Variants in FER1L6 observed in about 807,000 individuals in gnomAD.
FER1L6 encodes the protein fer-1 like family member 6, also known as fer-1-like protein 6.
A neutral mutation model predicts 219.2 loss-of-function variants in FER1L6; 177 were observed. That is an observed-to-expected ratio of 0.81 (90% CI 0.71 to 0.91). The LOEUF (loss-of-function observed/expected upper bound fraction) is 0.91, where lower values mean the gene tolerates loss of function less well. Ranked by LOEUF, FER1L6 falls within the 40% of genes least tolerant of loss-of-function variation. FER1L6 has a pLI of 0.00. For missense variants in FER1L6, 2,153 were observed against 2,259.9 expected, an observed-to-expected ratio of 0.95 and a Z score of 0.96; for synonymous variants, 768 against 824.3, an observed-to-expected ratio of 0.93 and a Z score of 1.17.
intron 33 of FER1L6, among the ~76,000 whole-genome samples, chr8:124,086,620 A>G (rs1821795924): frequency 6.6e-6 from 1 of 152,178 alleles, no homozygotes; most frequent in African/African-American, 2.4e-5. Flanking sequence ...GATATGAATA[A>G]CTAATATACC....
At chr8:124,057,696 T>C (rs1008388256) in intron 22 of FER1L6, among the ~76,000 whole-genome samples, 1 of 152,192 alleles carries the variant, frequency 6.6e-6, no homozygotes, top group Non-Finnish European at 1.5e-5. Flanking sequence ...TTTTATGCAT[T>C]GTCTATCATT....
chr8:123,999,942 A>G (rs1817328921), intron 12 of FER1L6, among the ~76,000 whole-genome samples: 1 of 152,198 alleles, frequency 6.6e-6, no homozygotes, highest in African/African-American at 2.4e-5. Flanking sequence ...TGAGCCCAGC[A>G]TAGCACCAGG....
intron 12 of FER1L6, among the ~76,000 whole-genome samples, chr8:123,992,354 T>G (rs1207380797): frequency 6.6e-6 from 1 of 152,198 alleles, no homozygotes; most frequent in Non-Finnish European, 1.5e-5. Flanking sequence ...GTTGGCAATT[T>G]TTTTTACATT....
At chr8:123,991,396 G>C (rs1816846653) in intron 12 of FER1L6, among the ~76,000 whole-genome samples, 1 of 151,448 alleles carries the variant, frequency 6.6e-6, no homozygotes, top group Non-Finnish European at 1.5e-5. Flanking sequence ...GTGTTTTGTA[G>C]TTCTCCTTGC....
rs1329215210 is a variant in FER1L6, at chr8:123,853,702, C to T, written c.-8+1517C>T. ...ATCCAAGTTGCACGTATGCAGGTGA[C>T]ATGCTCATGGCTATGATGAAGACCT... On this transcript the variant is annotated intron_variant, in intron 1 of 40. Coordinates refer to ENST00000522917, the MANE Select transcript of FER1L6 (RefSeq NM_001039112.2). The surrounding 1 kb of genome is among the most constrained non-coding windows in gnomAD (Gnocchi z 6.6). Among the ~76,000 whole-genome samples the T allele has an allele frequency of 6.6e-6, 1 of 152,196 alleles. No individual in the cohort carries two copies. The highest frequency in any genetic ancestry group is 2.4e-5 in the African/African-American group (1 of 41,454).
intron 1 of FER1L6, among the ~76,000 whole-genome samples, chr8:123,871,463 C>T (rs891588679): frequency 6.6e-6 from 1 of 152,084 alleles, no homozygotes; most frequent in Admixed American, 6.6e-5. Context: ...ACCCCCTGCC[C>T]ACTCCCCTCC....
intron 1 of FER1L6, among the ~76,000 whole-genome samples, chr8:123,915,034 T>A (rs1366791455): frequency 8.2e-6 from 1 of 122,092 alleles, no homozygotes; most frequent in East Asian, 2.6e-4. Flanking sequence ...AGGTATTACA[T>A]GCTTTTTTTT....
chr8:124,082,519 C>T (rs1223975936), intron 33 of FER1L6, 61 bp downstream of exon 33: 16 of 1,467,108 alleles, frequency 1.1e-5, no homozygotes, highest in Non-Finnish European at 1.4e-5. Flanking sequence ...CTTTAGGGCT[C>T]CAGACTCTGC....
intron 1 of FER1L6, among the ~76,000 whole-genome samples, chr8:123,915,375 G>T (rs1269630882): frequency 1.3e-5 from 2 of 152,014 alleles, no homozygotes; most frequent in Admixed American, 6.6e-5. Context: ...AGGATAAAAA[G>T]GGTCTGGACA....
At position 123,965,992 on chromosome 8, in the gene FER1L6, A is replaced by G. The variant is rs766809024; in HGVS notation, c.198-15A>G. On this transcript the variant is annotated splice_polypyrimidine_tract_variant and intron_variant, in intron 3 of 40. Coordinates refer to ENST00000522917, the MANE Select transcript of FER1L6 (RefSeq NM_001039112.2). ...TTCCTTGATGAAACAAACATATTAA[A>G]CTTTCTTTTAATAGATCAAAACTGT... is the stretch of plus-strand genomic sequence containing the variant. 4 of 1,606,796 alleles carry G rather than the reference A, an allele frequency of 2.5e-6. No individual in the cohort carries two copies. The East Asian group carries it at 8.9e-5, about 36-fold the overall frequency.
chr8:124,064,635 G>A, intron 26 of FER1L6, 62 bp downstream of exon 26: 1 of 1,471,066 alleles, frequency 6.8e-7, no homozygotes, highest in Non-Finnish European at 9.3e-7. Flanking sequence ...GCAGGTCTCA[G>A]ACAATATGAA....
intron 31 of FER1L6, among the ~76,000 whole-genome samples, chr8:124,071,954 C>T (rs1310349889): frequency 6.6e-6 from 1 of 152,176 alleles, no homozygotes; most frequent in Admixed American, 6.5e-5. Flanking sequence ...CCACTATGAC[C>T]TCATTTAACC....
rs191399367 is a variant in FER1L6, at chr8:124,077,938, T to A, written c.4220+1613T>A. The stretch of plus-strand genomic sequence containing the variant: ...TCCTCATAACTTCAGTGCCTCAGTA[T>A]CGGTGTGAGGGTGTCACAGCCTCCA... On this transcript the variant is annotated intron_variant, in intron 32 of 40. Transcript: ENST00000522917. Among the ~76,000 whole-genome samples, 19 of 152,320 alleles carry A rather than the reference T, an allele frequency of 1.2e-4. No individual in the cohort carries two copies. In the East Asian group the frequency reaches 3.1e-3, roughly 25 times the overall value.
Position 124,101,121 on chromosome 8 carries a change from C to T in FER1L6, c.4908C>T (p.Asp1636=), listed in dbSNP as rs149078031. The part of the protein sequence containing the change: ...VKGWLKGLED[D]KQETDVHYNS... ...GGTGGTTAAAGGGCTTGGAGGATGA[C>T]AAGCAGGAGACAGATGTGCATTACA... Residue 1636 remains aspartate (D), a synonymous_variant, in exon 38 of 41, where the codon GAC becomes GAT. Transcript: ENST00000522917. 2.1e-3 allele frequency: 3,430 copies of T among 1,613,668 alleles called. 32 individuals carry two copies. In the Admixed American group the frequency reaches 0.025, roughly 12 times the overall value.
chr8:123,939,207 C>T (rs1814129737), intron 1 of FER1L6: 2 of 984,504 alleles, frequency 2.0e-6, no homozygotes, highest in Non-Finnish European at 2.4e-6. Flanking sequence ...AGCTAAATAA[C>T]ACATCTTGTC....
intron 39 of FER1L6, among the ~76,000 whole-genome samples, chr8:124,113,550 G>T (rs1296673522): frequency 1.3e-5 from 2 of 152,106 alleles, no homozygotes; most frequent in Non-Finnish European, 2.9e-5. Flanking sequence ...TCTAGAAAAA[G>T]AATGCCCTAT....
At chr8:123,963,490 T>A in intron 3 of FER1L6, 92 bp downstream of exon 3, 1 of 1,440,428 alleles carries the variant, frequency 6.9e-7, no homozygotes, top group South Asian at 1.2e-5. Context: ...GAGAGGAGAG[T>A]AAGACATAGT....
At chr8:123,940,008 C>T (rs562648851) in intron 1 of FER1L6, among the ~76,000 whole-genome samples, 28 of 152,318 alleles carry the variant, frequency 1.8e-4, no homozygotes, top group African/African-American at 6.5e-4. Flanking sequence ...GTTAGCATGG[C>T]ACTGTGCTCT....
chr8:124,080,198 T>C (rs1451776784), intron 32 of FER1L6, among the ~76,000 whole-genome samples: 2 of 152,218 alleles, frequency 1.3e-5, no homozygotes, highest in African/African-American at 4.8e-5. Context: ...GCCCATTTCA[T>C]GATGCATTCT....
Sources: gnomAD v4.1 joint callset for allele counts (sites outside exome capture counted in the v4.1 genomes callset) on GRCh38, gnomAD v4.1.1 for gene constraint, Gnocchi (gnomAD v3.1) non-coding constraint, MANE v1.5 for transcripts, NCBI Gene and HGNC (gene_info 2026-07-23, HGNC 2026-07-21) for gene names.